ABCD4: variants seen among roughly 807,000 people sequenced by gnomAD.
ABCD4 encodes the protein lysosomal cobalamin transporter ABCD4.
In ABCD4, 53 loss-of-function variants were observed where a neutral mutation model predicts 86.3. The ratio of observed to expected loss-of-function variants is 0.61; its 90% CI spans 0.49 to 0.77. The LOEUF (loss-of-function observed/expected upper bound fraction) is 0.77, where lower values mean the gene tolerates loss of function less well. ABCD4 is among the 30% of genes least tolerant of loss of function. The probability of loss-of-function intolerance (pLI) is 0.00; values close to 1 mark genes in which losing one functional copy is unlikely to be tolerated. For synonymous variants in ABCD4, 328 were observed against 313.6 expected (o/e 1.05, Z -0.49); for missense variants, 757 against 764.5 (o/e 0.99, Z 0.12).
intron 7 of ABCD4, 193 bp downstream of exon 7, chr14:74,294,955 G>T: frequency 1.6e-6 from 1 of 637,050 alleles, no homozygotes; most frequent in Non-Finnish European, 2.7e-6. Context: ...GGAACCACCA[G>T]CTTCAGAAGC....
intron 10 of ABCD4, 26 bp downstream of exon 10, chr14:74,292,525 G>A: frequency 5.0e-6 from 8 of 1,611,832 alleles, no homozygotes; most frequent in Non-Finnish European, 5.1e-6. Flanking sequence ...TTGCTCAGGA[G>A]CCAGAGGGGT....
chr14:74,296,235 GGA>G lies in ABCD4; in HGVS notation c.542+96_542+97del, dbSNP rs2082821660. Reference sequence around the variant, plus strand: ...GGTGAGCACGTGGTAAGGTACGGTGGGAGAGAGGGGAAATAAGCTTCTCTTGG... The same window carrying G: ...GGTGAGCACGTGGTAAGGTACGGTGGGAGAGGGGAAATAAGCTTCTCTTGG... On this transcript the variant is annotated intron_variant, in intron 5 of 18. Transcript: ENST00000356924. The G allele has an allele frequency of 8.5e-6, 11 of 1,292,292 alleles. No individual in the cohort carries two copies. The South Asian group carries it at 1.1e-4, about 13-fold the overall frequency. The allele number at this position is 1,292,292 out of a possible 1,614,324, so 80.1% of individuals were successfully genotyped here.
At chr14:74,296,080 C>T in intron 5 of ABCD4, 101 bp from the exon 6 acceptor site, 1 of 1,473,988 alleles carries the variant, frequency 6.8e-7, no homozygotes, top group Non-Finnish European at 9.1e-7. Context: ...TAGCCCCTGT[C>T]CAATCTGAGT....
At chr14:74,292,990 T>C in intron 8 of ABCD4, 121 bp from the exon 9 acceptor site, 1 of 1,498,776 alleles carries the variant, frequency 6.7e-7, no homozygotes, top group Non-Finnish European at 9.1e-7. Context: ...ATCCTCATTC[T>C]CCTGAGGATA....
rs771052053 is a variant in ABCD4 at position 74,286,378 on chromosome 14, C to T, written c.*83G>A. 8.1e-6 allele frequency: 12 copies of T among 1,484,404 alleles called. No individual in the cohort carries two copies. The highest frequency in any genetic ancestry group is 1.1e-5 in the Non-Finnish European group (12 of 1,067,080). The allele number at this position is 1,484,404 out of a possible 1,614,324, so 92.0% of individuals were successfully genotyped here. A position where few individuals can be genotyped will look rare whatever the true frequency, so the allele number is the denominator to read the frequency against. On this transcript the variant is annotated 3_prime_UTR_variant, in exon 19 of 19. Coordinates refer to ENST00000356924, the MANE Select transcript of ABCD4 (RefSeq NM_005050.4). ...GGGATCTATGTGGCGAACCTGAGCT[C>T]GATCTTCGCTGTCAGTCCTCCTGGT...
At chr14:74,302,810 G>T (rs1052947914) in intron 1 of ABCD4, 65 bp downstream of exon 1, 5 of 1,494,714 alleles carry the variant, frequency 3.3e-6, no homozygotes, top group Non-Finnish European at 4.5e-6. Flanking sequence ...CGGAGGGCAG[G>T]AAAGCCCATT....
rs1454722216 is a variant in ABCD4, at chr14:74,290,572, CGGGAGCCACCACCTGT to C, written c.1119-89_1119-74del. ...ATTGCTGTGGGGGAGGCACTGCTCC[CGGGAGCCACCACCTGT>C]GGATTATTATGGGCTGACTTGCATC... On this transcript the variant is annotated intron_variant, in intron 11 of 18. Coordinates refer to ENST00000356924, the MANE Select transcript of ABCD4 (RefSeq NM_005050.4). 10 of 1,154,340 alleles carry C rather than the reference CGGGAGCCACCACCTGT, an allele frequency of 8.7e-6. No homozygotes were observed. In the African/African-American group the frequency reaches 1.2e-4, roughly 14 times the overall value. 71.5% of individuals were successfully genotyped at this position (1,154,340 alleles called of 1,614,324 possible). A position where few individuals can be genotyped will look rare whatever the true frequency, so the allele number is the denominator to read the frequency against.
chr14:74,299,417 A>T, intron 3 of ABCD4, 131 bp downstream of exon 3: 1 of 1,167,398 alleles, frequency 8.6e-7, no homozygotes, highest in Non-Finnish European at 1.2e-6. Context: ...CTATCCCTTT[A>T]GTTCCCAGAA....
chr14:74,299,715 G>A, intron 2 of ABCD4, 40 bp from the exon 3 acceptor site: 1 of 1,587,472 alleles, frequency 6.3e-7, no homozygotes, highest in South Asian at 1.1e-5. Flanking sequence ...GTGATGAGGG[G>A]TTAAAAAGAA....
chr14:74,288,920 T>C lies in ABCD4; in HGVS notation c.1457-155A>G, dbSNP rs1456213814. ...CAAGGTCAGGAGATGGAGACCACCC[T>C]GGCCAACATGGTGAAACGCTGTCTC... On this transcript the variant is annotated intron_variant, in intron 14 of 18. Coordinates refer to ENST00000356924, the MANE Select transcript of ABCD4 (RefSeq NM_005050.4). The C allele has an allele frequency of 2.4e-5, 24 of 1,017,948 alleles. No homozygotes were observed. In the South Asian group the frequency reaches 3.4e-4, roughly 14 times the overall value. 63.1% of individuals were successfully genotyped at this position (1,017,948 alleles called of 1,614,324 possible).
At chr14:74,302,536 A>T (rs538252606) in intron 1 of ABCD4, among the ~76,000 whole-genome samples, 1 of 152,328 alleles carries the variant, frequency 6.6e-6, no homozygotes, top group South Asian at 2.1e-4. Flanking sequence ...GGAGCCTTGC[A>T]TTGGCCCACA....
In ABCD4 at chr14:74,289,463, C is replaced by T; in HGVS notation, c.1456+20G>A. The T allele has an allele frequency of 6.2e-7, 1 of 1,613,722 alleles. No homozygotes were observed. The highest frequency in any genetic ancestry group is 2.2e-5 in the East Asian group (1 of 44,864). On this transcript the variant is annotated intron_variant, in intron 14 of 18. Coordinates refer to ENST00000356924, the MANE Select transcript of ABCD4 (RefSeq NM_005050.4). Reference sequence around the variant, plus strand: ...ACCATGACAGAAGGAGAGGACATGACCTAAGGAGGACCAGCTCACCTGAGT... The same window carrying T: ...ACCATGACAGAAGGAGAGGACATGATCTAAGGAGGACCAGCTCACCTGAGT...
rs1464766289 is a variant in ABCD4, at chr14:74,289,538, C to A, written c.1420-19G>T. The A allele has an allele frequency of 5.0e-6, 8 of 1,613,054 alleles. No individual in the cohort carries two copies. The South Asian group carries it at 7.7e-5, about 16-fold the overall frequency. On this transcript the variant is annotated intron_variant, in intron 13 of 18. Coordinates refer to ENST00000356924, the MANE Select transcript of ABCD4 (RefSeq NM_005050.4). ...ATATCACCTGAGAAAAGAAAAAAAC[C>A]ACACCAACCTAGGAGGGCGAGCAAA...
rs117392988 is a variant in ABCD4 at position 74,289,591 on chromosome 14, C to T, written c.1420-72G>A. On this transcript the variant is annotated intron_variant, in intron 13 of 18. Coordinates refer to ENST00000356924, the MANE Select transcript of ABCD4 (RefSeq NM_005050.4). ...ACGGAGCTGCACACAGCCCACCCTCCCTCCAGAACCCACTGGAACCTCCCA... is the reference window on the plus strand; with the variant it reads ...ACGGAGCTGCACACAGCCCACCCTCTCTCCAGAACCCACTGGAACCTCCCA... The T allele has an allele frequency of 2.3e-3, 3,673 of 1,574,344 alleles. 8 individuals are homozygous for T. The highest frequency in any genetic ancestry group is 2.6e-3 in the Non-Finnish European group (3,035 of 1,158,968).
intron 5 of ABCD4, 144 bp from the exon 6 acceptor site, chr14:74,296,123 C>A: frequency 8.0e-7 from 1 of 1,245,276 alleles, no homozygotes. Flanking sequence ...TATGTGGGGG[C>A]ATCTGGTATG....
In ABCD4 at chr14:74,287,879, C is replaced by A; in HGVS notation, c.1567G>T (p.Val523Phe). The change falls in exon 17 of 19, where the codon GTT becomes TTT. Residue 523 changes from valine (V) to phenylalanine (F), a missense_variant. Val to Phe is a conservative substitution (Grantham distance 50, BLOSUM62 -1). Transcript: ENST00000356924. The stretch of plus-strand genomic sequence containing the variant: ...CGTTGCATCTCCCCCGGGGACAGAA[C>A]ATCATACCTGAGGAAAGGTAGGAGA... ...DQQVDWNWYD[V>F]LSPGEMQRLS... 5 of 1,612,924 alleles carry A rather than the reference C, an allele frequency of 3.1e-6. No homozygotes were observed. The highest frequency in any genetic ancestry group is 4.2e-6 in the Non-Finnish European group (5 of 1,179,392).
Position 74,286,308 on chromosome 14 carries a change from C to A in ABCD4, c.*153G>T. On this transcript the variant is annotated 3_prime_UTR_variant, in exon 19 of 19. Transcript: ENST00000356924. ...CAGAAACCTAGACCTGGGCTCAGCC[C>A]ACCACTGCTAGGGGTCCTGCACAGG... The A allele has an allele frequency of 1.4e-6, 1 of 740,346 alleles. No individual in the cohort carries two copies. Among genetic ancestry groups the A allele is most frequent in the Non-Finnish European group, 2.2e-6 (1 of 445,290 alleles). 45.9% of individuals were successfully genotyped at this position (740,346 alleles called of 1,614,324 possible). A position where few individuals can be genotyped will look rare whatever the true frequency, so the allele number is the denominator to read the frequency against.
intron 1 of ABCD4, 40 bp from the exon 2 acceptor site, chr14:74,300,308 A>ATAATTAAGCCTTAGGGAGTAG (rs2084071342): frequency 7.4e-7 from 1 of 1,355,490 alleles, no homozygotes; most frequent in East Asian, 2.3e-5. Context: ...GCCCAAGACA[A>ATAATTAAGCCTTAGGGAGTAG]TAATTAAGCC....
In ABCD4 at chr14:74,286,733, T is replaced by C. The variant is rs951532015; in HGVS notation, c.1720A>G (p.Ile574Val). 6.2e-7 allele frequency: 1 copy of C among 1,614,142 alleles called. No individual in the cohort carries two copies. The highest frequency in any genetic ancestry group is 8.5e-7 in the Non-Finnish European group (1 of 1,180,030). ...RIGQQLGMTF[I>V]SVGHRQSLEK... ...AGGCTCTGCCGATGTCCCACACTGA[T>C]GAACGTCATCCCCAGCTGCTGGCCG... Residue 574 changes from isoleucine (I) to valine (V), a missense_variant, in exon 18 of 19, where the codon ATC becomes GTC. Transcript: ENST00000356924.
Sources: allele counts gnomAD v4.1 joint callset (sites outside exome capture counted in the v4.1 genomes callset), GRCh38; gene constraint gnomAD v4.1.1; transcripts MANE v1.5; gene names NCBI Gene and HGNC (gene_info 2026-07-23, HGNC 2026-07-21).